ZNF133: variants seen among roughly 807,000 people sequenced by gnomAD.
The protein encoded by ZNF133 is zinc finger protein 133 (clone pHZ-13).
In ZNF133, 26 loss-of-function variants were observed where a neutral mutation model predicts 54.9. The ratio of observed to expected loss-of-function variants is 0.47; its 90% CI spans 0.35 to 0.66. The LOEUF (loss-of-function observed/expected upper bound fraction) is 0.66, where lower values mean the gene tolerates loss of function less well. Among genes scored for constraint, ZNF133 ranks in the 30% least tolerant of loss-of-function variants. ZNF133 has a pLI of 0.01. For synonymous variants in ZNF133, 298 were observed against 320.3 expected (o/e 0.93, Z 0.74); for missense variants, 653 against 820.8 (o/e 0.80, Z 2.50).
At chr20:18,304,053 T>C (rs908812686) in intron 3 of ZNF133, among the ~76,000 whole-genome samples, 2 of 152,164 alleles carry the variant, frequency 1.3e-5, no homozygotes, top group African/African-American at 4.8e-5. Flanking sequence ...CTCCTACAGC[T>C]TAACAACAAT....
chr20:18,303,636 C>T (rs766392576), intron 3 of ZNF133, among the ~76,000 whole-genome samples: 1 of 152,102 alleles, frequency 6.6e-6, no homozygotes, highest in Non-Finnish European at 1.5e-5. Flanking sequence ...CAGAAATAAA[C>T]CCTTGCATAT....
chr20:18,311,923 C>T (rs1194841159), intron 6 of ZNF133, among the ~76,000 whole-genome samples: 2 of 152,104 alleles, frequency 1.3e-5, no homozygotes, highest in Non-Finnish European at 2.9e-5. Context: ...GCAATATTAG[C>T]CTATCTGATT....
chr20:18,311,894 A>C (rs576969702), intron 6 of ZNF133, among the ~76,000 whole-genome samples: 1 of 152,356 alleles, frequency 6.6e-6, no homozygotes, highest in East Asian at 1.9e-4. Context: ...CATGTGCCTA[A>C]TCTTACATAT....
Position 18,306,449 on chromosome 20 carries a change from G to T in ZNF133, c.217+56G>T, listed in dbSNP as rs79411245. On this transcript the variant is annotated intron_variant, in intron 6 of 6. Transcript: ENST00000425686. ...ATGAGCTCAGCAGCTCAGAGGACTGGGGGAGAGGAGGCGTTGCTCAGGTGC... is the reference window on the plus strand; with the variant it reads ...ATGAGCTCAGCAGCTCAGAGGACTGTGGGAGAGGAGGCGTTGCTCAGGTGC... The T allele has an allele frequency of 7.9e-4, 1,220 of 1,547,398 alleles. 11 individuals are homozygous for T. The African/African-American group carries it at 0.014, about 18-fold the overall frequency.
Position 18,298,026 on chromosome 20 carries a change from A to T in ZNF133, c.-390A>T. On this transcript the variant is annotated 5_prime_UTR_variant, in exon 2 of 7. Coordinates refer to ENST00000425686, the MANE Select transcript of ZNF133 (RefSeq NM_001352452.2). ...ATCATCCTTCTTCAGGGAGATAAGG[A>T]AAAAAAGCCACAGGGTCCCGGAGAG... is the stretch of plus-strand genomic sequence containing the variant. The T allele has an allele frequency of 6.5e-7, 1 of 1,534,972 alleles. No homozygotes were observed. Among genetic ancestry groups the T allele is most frequent in the South Asian group, 1.2e-5 (1 of 84,020 alleles).
At position 18,295,800 on chromosome 20, in the gene ZNF133, G is replaced by A. The variant is rs144195376; in HGVS notation, c.-431-2185G>A. On this transcript the variant is annotated intron_variant, in intron 1 of 6. Transcript: ENST00000425686. ...GCCTCCTGAGTAGCTGGGACCATAC[G>A]GGTGTGTGTATGCACCAAATCTGGC... 7.7e-4 allele frequency among the ~76,000 whole-genome samples: 117 copies of A among 152,138 alleles called. 2 individuals carry two copies. The highest frequency in any genetic ancestry group is 2.8e-4 in the Non-Finnish European group (19 of 68,000).
intron 3 of ZNF133, among the ~76,000 whole-genome samples, chr20:18,298,697 T>G (rs1375465551): frequency 1.3e-5 from 2 of 152,186 alleles, no homozygotes; most frequent in African/African-American, 4.8e-5. Context: ...GAAAGCTACT[T>G]CAGCCAATTG....
At position 18,300,960 on chromosome 20, in the gene ZNF133, T is replaced by C. The variant is rs138356256; in HGVS notation, c.-178+2496T>C. On this transcript the variant is annotated intron_variant, in intron 3 of 6. Transcript: ENST00000425686. Reference sequence around the variant, plus strand: ...CAAGGTGTAAATCCAATAGATATAATAGACATATTCCGAACATTGTACCCA... The same window carrying C: ...CAAGGTGTAAATCCAATAGATATAACAGACATATTCCGAACATTGTACCCA... Among the ~76,000 whole-genome samples the C allele has an allele frequency of 6.6e-4, 101 of 152,190 alleles. 2 individuals are homozygous for C. In the East Asian group the frequency reaches 0.018, roughly 27 times the overall value.
rs1016028533 is a variant in ZNF133, at chr20:18,305,957, T to C, written c.121+150T>C. On this transcript the variant is annotated intron_variant, in intron 5 of 6. Transcript: ENST00000425686. The surrounding 1 kb of genome is among the most constrained non-coding windows in gnomAD (Gnocchi z 4.7). ...GTGTTTCCCCAGGGAGGGTCTGATT[T>C]TGCAGAGTGGAAAATGGGTAGATTT... 6.5e-6 allele frequency: 7 copies of C among 1,074,478 alleles called. No homozygotes were observed. In the East Asian group the frequency reaches 1.3e-4, roughly 20 times the overall value. 66.6% of individuals were successfully genotyped at this position (1,074,478 alleles called of 1,614,324 possible). A position where few individuals can be genotyped will look rare whatever the true frequency, so the allele number is the denominator to read the frequency against.
In ZNF133 at chr20:18,310,885, T is replaced by G. The variant is rs201301979; in HGVS notation, c.218-4184T>G. On this transcript the variant is annotated intron_variant, in intron 6 of 6. Transcript: ENST00000425686. The stretch of plus-strand genomic sequence containing the variant: ...ATGAATATATACATTTTTTGTCAAT[T>G]TAAAAATTAATTAGTTTTTTAAAAG... Among the ~76,000 whole-genome samples the G allele has an allele frequency of 3.3e-5, 5 of 152,340 alleles. No homozygotes were observed. In the East Asian group the frequency reaches 9.6e-4, roughly 29 times the overall value.
rs1322726805 is a variant in ZNF133, at chr20:18,315,904, G to A, written c.1053G>A (p.Glu351=). Residue 351 remains glutamate (E), a synonymous_variant, in exon 7 of 7, where the codon GAG becomes GAA. Coordinates refer to ENST00000425686, the MANE Select transcript of ZNF133 (RefSeq NM_001352452.2). ...VVRHQRTHLE[E]KTIVCSDCGL... ...GACACCAGAGGACACACTTGGAGGA[G>A]AAGACCATCGTGTGCAGTGACTGTG... The A allele has an allele frequency of 6.2e-7, 1 of 1,614,068 alleles. No homozygotes were observed. The highest frequency in any genetic ancestry group is 2.2e-5 in the East Asian group (1 of 44,854).
At chr20:18,290,946 G>C (rs1018995482) in intron 1 of ZNF133, among the ~76,000 whole-genome samples, 1 of 152,180 alleles carries the variant, frequency 6.6e-6, no homozygotes, top group African/African-American at 2.4e-5. Flanking sequence ...GGCCAACATG[G>C]TGAAACCCCA....
intron 6 of ZNF133, among the ~76,000 whole-genome samples, chr20:18,309,275 A>G (rs549182894): frequency 7.9e-5 from 12 of 152,372 alleles, no homozygotes; most frequent in African/African-American, 2.9e-4. Context: ...AGTCCATAAC[A>G]GCATCCTTGT....
Position 18,310,249 on chromosome 20 carries a change from C to T in ZNF133, c.217+3856C>T, listed in dbSNP as rs2045570401. On this transcript the variant is annotated intron_variant, in intron 6 of 6. Coordinates refer to ENST00000425686, the MANE Select transcript of ZNF133 (RefSeq NM_001352452.2). ...CCAAGGAGCAAGTCATTGTGGTTGC[C>T]CAGGAAGCTGTCTTGGAAACCCAAA... The T allele has an allele frequency of 2.6e-6, 4 of 1,530,118 alleles. No individual in the cohort carries two copies. In the African/African-American group the frequency reaches 5.5e-5, roughly 21 times the overall value. The allele number at this position is 1,530,118 out of a possible 1,614,324, so 94.8% of individuals were successfully genotyped here.
chr20:18,305,561 C>A lies in ZNF133; in HGVS notation c.-6-120C>A. 7.0e-7 allele frequency: 1 copy of A among 1,430,526 alleles called. No individual in the cohort carries two copies. The highest frequency in any genetic ancestry group is 9.6e-7 in the Non-Finnish European group (1 of 1,038,570). The allele number at this position is 1,430,526 out of a possible 1,614,324, so 88.6% of individuals were successfully genotyped here. On this transcript the variant is annotated intron_variant, in intron 4 of 6. Coordinates refer to ENST00000425686, the MANE Select transcript of ZNF133 (RefSeq NM_001352452.2). The surrounding 1 kb of genome is among the most constrained non-coding windows in gnomAD (Gnocchi z 4.7). The stretch of plus-strand genomic sequence containing the variant: ...TTAAAAGTCTTGGAACACATGGCAC[C>A]AGGGTCACTGGGATCTTGATATCTC...
intron 6 of ZNF133, among the ~76,000 whole-genome samples, chr20:18,309,576 T>C (rs188006110): frequency 3.3e-5 from 5 of 152,286 alleles, no homozygotes; most frequent in African/African-American, 1.2e-4. Context: ...GCATTCACAG[T>C]GCAGGTGAGG....
chr20:18,304,931 C>A, intron 3 of ZNF133, 77 bp from the exon 4 acceptor site: 1 of 899,790 alleles, frequency 1.1e-6, no homozygotes, highest in Non-Finnish European at 1.3e-6. Context: ...CTTTCTTCTT[C>A]CCTTGATTCC....
intron 3 of ZNF133, among the ~76,000 whole-genome samples, chr20:18,300,324 T>C (rs959293836): frequency 6.6e-6 from 1 of 152,074 alleles, no homozygotes; most frequent in African/African-American, 2.4e-5. Context: ...AAAATATCTG[T>C]AGGATGTAGA....
At chr20:18,293,423 C>A (rs2041526137) in intron 1 of ZNF133, among the ~76,000 whole-genome samples, 1 of 152,238 alleles carries the variant, frequency 6.6e-6, no homozygotes, top group African/African-American at 2.4e-5. Flanking sequence ...TAAGGGCTTC[C>A]AGCAGGATTG....
Sources: gnomAD v4.1 joint callset for allele counts (sites outside exome capture counted in the v4.1 genomes callset) on GRCh38, gnomAD v4.1.1 for gene constraint, Gnocchi (gnomAD v3.1) non-coding constraint, MANE v1.5 for transcripts, NCBI Gene and HGNC (gene_info 2026-07-23, HGNC 2026-07-21) for gene names.